ARHGAP32: variants seen among roughly 807,000 people sequenced by gnomAD.
ARHGAP32 encodes Rho GTPase activating protein 32.
In ARHGAP32, 51 loss-of-function variants were observed where a neutral mutation model predicts 186.5. The observed-to-expected ratio is 0.27, with a 90% CI of 0.22 to 0.35. ARHGAP32 has a LOEUF of 0.35. Among genes scored for constraint, ARHGAP32 ranks in the 10% least tolerant of loss-of-function variants. The probability of loss-of-function intolerance (pLI) is 1.00; values close to 1 mark genes in which losing one functional copy is unlikely to be tolerated. For synonymous variants in ARHGAP32, 950 were observed against 964.3 expected (o/e 0.99, Z 0.27); for missense variants, 2,186 against 2,623.5 (o/e 0.83, Z 3.64).
chr11:129,064,029 C>T lies in ARHGAP32; in HGVS notation c.763-5G>A, dbSNP rs756942259. The T allele has an allele frequency of 1.9e-6, 3 of 1,602,166 alleles. No individual in the cohort carries two copies. The highest frequency in any genetic ancestry group is 1.7e-6 in the Non-Finnish European group (2 of 1,175,796). ...GTGATTTCCCTTATTATCAATCTAT[C>T]ACAAAGAAAATGTACTATGAGATAA... is the stretch of plus-strand genomic sequence containing the variant. On this transcript the variant is annotated splice_region_variant and splice_polypyrimidine_tract_variant and intron_variant, in intron 8 of 22. Coordinates refer to ENST00000682385, the MANE Select transcript of ARHGAP32 (RefSeq NM_001378024.1).
At chr11:129,220,784 T>C (rs919931225) in intron 1 of ARHGAP32, among the ~76,000 whole-genome samples, 2 of 152,186 alleles carry the variant, frequency 1.3e-5, no homozygotes, top group Admixed American at 6.5e-5. Context: ...ACTGTTTTTG[T>C]GTAGACTCTG....
chr11:128,998,031 T>C (rs1206898219), intron 12 of ARHGAP32, among the ~76,000 whole-genome samples: 2 of 152,182 alleles, frequency 1.3e-5, no homozygotes, highest in Non-Finnish European at 2.9e-5. Flanking sequence ...AGAAGCTATC[T>C]AGGGAGAAAT....
intron 11 of ARHGAP32, chr11:129,023,862 T>C: frequency 1.0e-6 from 1 of 981,276 alleles, no homozygotes; most frequent in Non-Finnish European, 1.2e-6. Flanking sequence ...TCCTTACCTC[T>C]TGTTGTGGTA....
chr11:129,165,217 C>A (rs905051230), intron 1 of ARHGAP32, among the ~76,000 whole-genome samples: 2 of 151,994 alleles, frequency 1.3e-5, no homozygotes, highest in African/African-American at 4.8e-5. Flanking sequence ...AAATTATTAA[C>A]TGAGTCCTAA....
chr11:128,990,729 A>C (rs1484662926), intron 12 of ARHGAP32, among the ~76,000 whole-genome samples: 1 of 152,210 alleles, frequency 6.6e-6, no homozygotes. Context: ...TTGTCCCACC[A>C]ATGATAAACT....
At chr11:129,125,775 G>A (rs1487496536) in intron 2 of ARHGAP32, 1 of 337,488 alleles carries the variant, frequency 3.0e-6, no homozygotes, top group Non-Finnish European at 5.8e-6. Context: ...CAGTGTGCTG[G>A]GTTCAATTTT....
chr11:129,201,200 C>T (rs2135575605), intron 1 of ARHGAP32, among the ~76,000 whole-genome samples: 1 of 152,296 alleles, frequency 6.6e-6, no homozygotes, highest in South Asian at 2.1e-4. Context: ...AATAAGAACT[C>T]TCAAAATTCA....
chr11:129,048,145 T>A (rs778785232), intron 10 of ARHGAP32, among the ~76,000 whole-genome samples: 18 of 152,074 alleles, frequency 1.2e-4, no homozygotes, highest in Admixed American at 4.6e-4. Context: ...ATTTATACTG[T>A]CCCCTTGAAT....
chr11:129,107,674 G>A (rs998100481), intron 5 of ARHGAP32, among the ~76,000 whole-genome samples: 2 of 150,550 alleles, frequency 1.3e-5, no homozygotes, highest in African/African-American at 5.0e-5. Context: ...TTCGAGACCA[G>A]CCTGACCAAC....
At chr11:129,120,244 G>T (rs1469445290) in intron 5 of ARHGAP32, among the ~76,000 whole-genome samples, 3 of 152,028 alleles carry the variant, frequency 2.0e-5, no homozygotes, top group Non-Finnish European at 4.4e-5. Flanking sequence ...TGCCCAAGAT[G>T]CTCCACGGTT....
At chr11:129,240,826 T>A (rs906305418) in intron 1 of ARHGAP32, among the ~76,000 whole-genome samples, 5 of 152,120 alleles carry the variant, frequency 3.3e-5, no homozygotes, top group South Asian at 2.1e-4. Flanking sequence ...TTGAAAAAAA[T>A]TTTGAGTCTG....
At chr11:128,988,478 C>T (rs1041559421) in intron 12 of ARHGAP32, among the ~76,000 whole-genome samples, 1 of 152,146 alleles carries the variant, frequency 6.6e-6, no homozygotes, top group African/African-American at 2.4e-5. Context: ...AACACCATGC[C>T]AGATTTTTAA....
At chr11:129,133,979 A>G (rs1942878984) in intron 2 of ARHGAP32, among the ~76,000 whole-genome samples, 1 of 152,222 alleles carries the variant, frequency 6.6e-6, no homozygotes, top group Admixed American at 6.5e-5. Context: ...TAACATAACG[A>G]TGGTAGATAA....
At chr11:129,228,158 A>G (rs895124795) in intron 1 of ARHGAP32, among the ~76,000 whole-genome samples, 1 of 152,208 alleles carries the variant, frequency 6.6e-6, no homozygotes, top group African/African-American at 2.4e-5. Context: ...GGGAAATAGG[A>G]AAATACTTTG....
intron 10 of ARHGAP32, among the ~76,000 whole-genome samples, 162 bp from the exon 11 acceptor site, chr11:129,041,171 T>G (rs1036235464): frequency 6.6e-6 from 1 of 152,190 alleles, no homozygotes; most frequent in East Asian, 1.9e-4. Context: ...AAACAAATAA[T>G]AAAACAATCT....
chr11:129,115,543 G>A (rs1474495191), intron 5 of ARHGAP32, among the ~76,000 whole-genome samples: 1 of 152,102 alleles, frequency 6.6e-6, no homozygotes, highest in Non-Finnish European at 1.5e-5. Context: ...CCCATCATAT[G>A]AAGAATACAT....
At chr11:128,981,724 AAC>A in intron 16 of ARHGAP32, 103 bp downstream of exon 16, 1 of 1,153,464 alleles carries the variant, frequency 8.7e-7, no homozygotes. Flanking sequence ...AAATAAAAAG[AAC>A]AGATTTGTTT....
At chr11:129,209,004 T>C (rs930623279) in intron 1 of ARHGAP32, among the ~76,000 whole-genome samples, 1 of 152,150 alleles carries the variant, frequency 6.6e-6, no homozygotes, top group African/African-American at 2.4e-5. Context: ...GATATGAGTA[T>C]GCCACAAGAA....
intron 1 of ARHGAP32, among the ~76,000 whole-genome samples, chr11:129,191,068 A>C (rs1944261321): frequency 6.6e-6 from 1 of 152,218 alleles, no homozygotes; most frequent in Admixed American, 6.5e-5. Flanking sequence ...TCCATCATTT[A>C]ACCTAGACTT....
Sources: allele counts gnomAD v4.1 joint callset (sites outside exome capture counted in the v4.1 genomes callset), GRCh38; gene constraint gnomAD v4.1.1; transcripts MANE v1.5; gene names NCBI Gene and HGNC (gene_info 2026-07-23, HGNC 2026-07-21).